The following TNS1 variants were observed in gnomAD, a reference collection of about 807,000 sequenced individuals.
TNS1 encodes the protein tensin 1.
In TNS1, 62 loss-of-function variants were observed where a neutral mutation model predicts 168.6. The observed-to-expected ratio is 0.37, with a 90% confidence interval of 0.30 to 0.45. TNS1 has a LOEUF of 0.45. Ranked by LOEUF, TNS1 falls within the 20% of genes least tolerant of loss-of-function variation. The pLI is 1.00. For missense variants in TNS1, 2,240 were observed against 2,339.4 expected (o/e 0.96, Z 0.88); for synonymous variants, 934 against 933.2 (o/e 1.00, Z -0.02).
chr2:217,959,132 G>A (rs1957434700), intron 3 of TNS1, among the ~76,000 whole-genome samples: 1 of 152,200 alleles, frequency 6.6e-6, no homozygotes, highest in African/African-American at 2.4e-5. Context: ...CCATTCCTTA[G>A]CTGTGTAATG....
chr2:217,880,765 G>T lies in TNS1; in HGVS notation c.1429+133C>A. On this transcript the variant is annotated intron_variant, in intron 18 of 32. Coordinates refer to ENST00000682258, the MANE Select transcript of TNS1 (RefSeq NM_001387777.1). The surrounding 1 kb of genome is among the most constrained non-coding windows in gnomAD (Gnocchi z 4.2). ...TTCCCCCAGTTAACGGTGAGCTCTC[G>T]GAGGTACCTCACACTTCCCCTCTGC... is the stretch of plus-strand genomic sequence containing the variant. The T allele has an allele frequency of 1.4e-6, 1 of 694,672 alleles. No individual in the cohort carries two copies. Among genetic ancestry groups the T allele is most frequent in the Non-Finnish European group, 2.6e-6 (1 of 389,922 alleles). 43.0% of individuals were successfully genotyped at this position (694,672 alleles called of 1,614,324 possible).
intron 1 of TNS1, among the ~76,000 whole-genome samples, chr2:218,029,254 C>CA (rs1423641544): frequency 2.6e-5 from 4 of 152,190 alleles, no homozygotes; most frequent in African/African-American, 9.7e-5. Flanking sequence ...AGAATCATTA[C>CA]AAAGGGACAT....
intron 18 of TNS1, among the ~76,000 whole-genome samples, chr2:217,856,726 C>G (rs1019204804): frequency 6.6e-6 from 1 of 152,052 alleles, no homozygotes; most frequent in African/African-American, 2.4e-5. Context: ...AAAAATAGCT[C>G]CAGAGCCCAC....
chr2:217,972,708 T>G (rs1373516997), intron 3 of TNS1, among the ~76,000 whole-genome samples: 1 of 152,208 alleles, frequency 6.6e-6, no homozygotes, highest in Non-Finnish European at 1.5e-5. Flanking sequence ...TTCACTGAAC[T>G]CTTGTCTGAC....
At chr2:217,879,197 C>T in intron 18 of TNS1, 1 of 282,484 alleles carries the variant, frequency 3.5e-6, no homozygotes, top group Non-Finnish European at 7.0e-6. Context: ...ATTATTTTAC[C>T]TTTTATTTGC....
rs533110853 is a variant in TNS1, at chr2:218,026,823, C to T, written c.156+6997G>A. On this transcript the variant is annotated intron_variant, in intron 1 of 1. Transcript: ENST00000649572. ...ACATGCCTGGCCTGGGTCTAAGGTC[C>T]CAAGAAAGCCAGGCCTGTCCCTTGC... Among the ~76,000 whole-genome samples the T allele has an allele frequency of 1.8e-4, 27 of 152,376 alleles. No individual in the cohort carries two copies. The East Asian group carries it at 5.2e-3, about 29-fold the overall frequency.
chr2:217,942,346 G>A (rs1956954852), intron 3 of TNS1, among the ~76,000 whole-genome samples: 1 of 152,124 alleles, frequency 6.6e-6, no homozygotes, highest in South Asian at 2.1e-4. Flanking sequence ...CCCTCCATGG[G>A]CAGCAGAGTC....
chr2:217,934,427 T>C (rs953095823), intron 3 of TNS1, among the ~76,000 whole-genome samples: 19 of 152,162 alleles, frequency 1.2e-4, no homozygotes, highest in African/African-American at 4.6e-4. Flanking sequence ...CCCAGACAGC[T>C]CTGTGCAGTC....
chr2:218,010,075 G>A (rs887970889), intron 1 of TNS1: 1 of 398,790 alleles, frequency 2.5e-6, no homozygotes, highest in Non-Finnish European at 4.4e-6. Context: ...GTCGGAAGGG[G>A]CCAGGTGTGG....
At chr2:217,927,871 C>G (rs1956115127) in intron 3 of TNS1, among the ~76,000 whole-genome samples, 1 of 152,212 alleles carries the variant, frequency 6.6e-6, no homozygotes, top group Non-Finnish European at 1.5e-5. Flanking sequence ...GCCCTGTTCT[C>G]TGAAATGATA....
At chr2:217,955,337 T>C (rs979827627) in intron 3 of TNS1, among the ~76,000 whole-genome samples, 2 of 152,170 alleles carry the variant, frequency 1.3e-5, no homozygotes, top group Non-Finnish European at 2.9e-5. Flanking sequence ...CCCAGGACCA[T>C]GTGGGCCTCA....
chr2:217,865,335 C>T (rs1949175728), intron 18 of TNS1, among the ~76,000 whole-genome samples: 1 of 152,188 alleles, frequency 6.6e-6, no homozygotes, highest in Non-Finnish European at 1.5e-5. Flanking sequence ...GAAGCACAGG[C>T]CTGCATGGCA....
Position 217,804,264 on chromosome 2 carries a change from C to CTCTG in TNS1, c.*194_*195insCAGA, listed in dbSNP as rs1299544501. 1.7e-6 allele frequency: 1 copy of CTCTG among 589,898 alleles called. No individual in the cohort carries two copies. Among genetic ancestry groups the CTCTG allele is most frequent in the African/African-American group, 2.0e-5 (1 of 51,088 alleles). The allele number at this position is 589,898 out of a possible 1,614,324, so 36.5% of individuals were successfully genotyped here. On this transcript the variant is annotated 3_prime_UTR_variant, in exon 33 of 33. Coordinates refer to ENST00000682258, the MANE Select transcript of TNS1 (RefSeq NM_001387777.1). Reference sequence around the variant, plus strand: ...GTTCTTCTCCTCCATCTTTCTCTCTCTCTCTCTCTCTCTCTCTCTCTCTCT... The same window carrying CTCTG: ...GTTCTTCTCCTCCATCTTTCTCTCTCTCTGTCTCTCTCTCTCTCTCTCTCTCTCT...
chr2:217,883,529 T>A (rs899411938), intron 16 of TNS1, among the ~76,000 whole-genome samples: 3 of 152,178 alleles, frequency 2.0e-5, no homozygotes, highest in African/African-American at 7.2e-5. Flanking sequence ...CCTCCCAAAG[T>A]GCTGGGATTA....
At chr2:217,982,759 T>C (rs141799409) in intron 2 of TNS1, among the ~76,000 whole-genome samples, 44 of 152,290 alleles carry the variant, frequency 2.9e-4, no homozygotes, top group African/African-American at 1.0e-3. Context: ...ACTAGATCAC[T>C]GATACCAGAA....
chr2:218,012,859 A>T, upstream of TNS1, among the ~76,000 whole-genome samples: 1 of 152,262 alleles, frequency 6.6e-6, no homozygotes, highest in Middle Eastern at 3.4e-3. Context: ...CAAAATTCAC[A>T]TATGGGAGTG....
chr2:217,906,413 A>C, intron 5 of TNS1, 28 bp from the exon 6 acceptor site: 1 of 702,702 alleles, frequency 1.4e-6, no homozygotes, highest in South Asian at 1.5e-5. Flanking sequence ...GCAGTCAGAG[A>C]GGGGAGGCAA....
chr2:217,839,973 A>G (rs1290193495), intron 19 of TNS1, among the ~76,000 whole-genome samples: 1 of 152,126 alleles, frequency 6.6e-6, no homozygotes, highest in Non-Finnish European at 1.5e-5. Context: ...CCATCCCAGA[A>G]CCTGCCCCTA....
chr2:217,898,814 G>T lies in TNS1; in HGVS notation c.372-845C>A, dbSNP rs532553145. On this transcript the variant is annotated intron_variant, in intron 7 of 32. Transcript: ENST00000682258. Reference sequence around the variant, plus strand: ...TGGGCACTGGGTGAGGAAGGGAGGGGCTCGCATCTTTACATCTCTCCCAAC... The same window carrying T: ...TGGGCACTGGGTGAGGAAGGGAGGGTCTCGCATCTTTACATCTCTCCCAAC... 1.1e-3 allele frequency among the ~76,000 whole-genome samples: 173 copies of T among 152,328 alleles called. No homozygotes were observed. The South Asian group carries it at 0.014, about 12-fold the overall frequency.
Sources: allele counts gnomAD v4.1 joint callset (sites outside exome capture counted in the v4.1 genomes callset), GRCh38; gene constraint gnomAD v4.1.1; non-coding constraint Gnocchi (gnomAD v3.1); transcripts MANE v1.5; gene names NCBI Gene and HGNC (gene_info 2026-07-23, HGNC 2026-07-21).